The following SASH1 variants were observed in gnomAD, a reference collection of about 807,000 sequenced individuals.
The protein encoded by SASH1 is SAM and SH3 domain containing 1.
Under a neutral mutation model 125.2 loss-of-function variants are expected in SASH1, and 44 were observed. The ratio of observed to expected loss-of-function variants is 0.35; its 90% CI spans 0.28 to 0.45. The LOEUF (loss-of-function observed/expected upper bound fraction) is 0.45, where lower values mean the gene tolerates loss of function less well. SASH1 is among the 20% of genes least tolerant of loss of function. The probability of loss-of-function intolerance (pLI) is 1.00; values close to 1 mark genes in which losing one functional copy is unlikely to be tolerated. For synonymous variants in SASH1, 639 were observed against 649.1 expected (o/e 0.98, Z 0.24); for missense variants, 1,426 against 1,614.5 (o/e 0.88, Z 2.00).
In SASH1 at chr6:148,305,623, CAAAAAAAAA is replaced by C. The variant is rs59521298; in HGVS notation, n.74+33259_74+33267del. Reference sequence around the variant, plus strand: ...TGGGCGACAGAGCGAGACTCTGACTCAAAAAAAAAAAAAAAAAAAAAGAAAGAAAGAAAG... The same window carrying C: ...TGGGCGACAGAGCGAGACTCTGACTCAAAAAAAAAAAAGAAAGAAAGAAAG... On this transcript the variant is annotated intron_variant and non_coding_transcript_variant, in intron 1 of 3. Coordinates refer to the SASH1 transcript ENST00000367469. Among the ~76,000 whole-genome samples the C allele has an allele frequency of 3.8e-5, 4 of 104,382 alleles. No homozygotes were observed. In the Admixed American group the frequency reaches 4.3e-4, roughly 11 times the overall value. 68.5% of individuals were successfully genotyped at this position (104,382 alleles called of 152,430 possible). A position where few individuals can be genotyped will look rare whatever the true frequency, so the allele number is the denominator to read the frequency against.
chr6:148,374,704 T>G lies in SASH1; in HGVS notation c.157-15430T>G, dbSNP rs959770350. Among the ~76,000 whole-genome samples, 174 of 125,724 alleles carry G rather than the reference T, an allele frequency of 1.4e-3. 1 individual carries two copies. Among genetic ancestry groups the G allele is most frequent in the East Asian group, 8.4e-3 (35 of 4,152 alleles). The allele number at this position is 125,724 out of a possible 152,430, so 82.5% of individuals were successfully genotyped here. A position where few individuals can be genotyped will look rare whatever the true frequency, so the allele number is the denominator to read the frequency against. On this transcript the variant is annotated intron_variant, in intron 1 of 19. Transcript: ENST00000367467. ...TATTTGAGGTTTACAGCATTTTTTTTGGGGGGGGGGGAGATGGAGTCTCAC... is the reference window on the plus strand; with the variant it reads ...TATTTGAGGTTTACAGCATTTTTTTGGGGGGGGGGGGAGATGGAGTCTCAC...
At chr6:148,277,895 T>G (rs1373354306) in intron 1 of SASH1, among the ~76,000 whole-genome samples, 3 of 152,010 alleles carry the variant, frequency 2.0e-5, no homozygotes, top group African/African-American at 7.2e-5. Flanking sequence ...TTTTGTATTT[T>G]CAGTAGAGAC....
intron 17 of SASH1, 25 bp downstream of exon 17, chr6:148,540,581 A>T (rs1174001116): frequency 1.3e-6 from 2 of 1,554,170 alleles, no homozygotes; most frequent in East Asian, 4.5e-5. Flanking sequence ...AGTCGCTGGG[A>T]ACCTGCTTTG....
the SASH1 span, among the ~76,000 whole-genome samples, chr6:148,252,595 C>T: frequency 6.6e-6 from 1 of 152,170 alleles, no homozygotes; most frequent in African/African-American, 2.4e-5. Context: ...TGTCCTGCCT[C>T]AGCCTCCCAA....
At chr6:148,271,111 T>C (rs1190443560), upstream of SASH1, among the ~76,000 whole-genome samples, 1 of 152,080 alleles carries the variant, frequency 6.6e-6, no homozygotes, top group Admixed American at 6.6e-5. Context: ...GGTTTCACCA[T>C]GTTGGTCAGG....
intron 1 of SASH1, among the ~76,000 whole-genome samples, chr6:148,326,382 T>A (rs1261883212): frequency 7.6e-4 from 38 of 49,710 alleles, no homozygotes; most frequent in South Asian, 2.0e-3. Flanking sequence ...ATACATTCTT[T>A]TCTTTTCTTT....
At chr6:148,194,020 C>T in the SASH1 span, among the ~76,000 whole-genome samples, 4 of 152,120 alleles carry the variant, frequency 2.6e-5, no homozygotes, top group Non-Finnish European at 5.9e-5. Context: ...AAGATTTTCT[C>T]TAAGGTGTGT....
intron 1 of SASH1, among the ~76,000 whole-genome samples, chr6:148,310,250 A>G (rs1780263351): frequency 6.6e-6 from 1 of 152,162 alleles, no homozygotes; most frequent in Non-Finnish European, 1.5e-5. Flanking sequence ...TGAACCCAGG[A>G]GACGGAGGTT....
chr6:148,214,253 G>A, the SASH1 span, among the ~76,000 whole-genome samples: 5 of 152,118 alleles, frequency 3.3e-5, no homozygotes, highest in Admixed American at 6.6e-5. Flanking sequence ...GCATGTTGAC[G>A]TGAAGTTAAA....
chr6:148,487,857 A>T, intron 8 of SASH1, 142 bp downstream of exon 8: 6 of 516,754 alleles, frequency 1.2e-5, no homozygotes, highest in East Asian at 3.5e-5. Context: ...TAGATTGCTT[A>T]TTTTCTCTAC....
chr6:148,321,980 G>A (rs1444214691), intron 1 of SASH1, among the ~76,000 whole-genome samples: 2 of 152,088 alleles, frequency 1.3e-5, no homozygotes, highest in African/African-American at 2.4e-5. Context: ...TAAAATATAT[G>A]TATAAATGAT....
chr6:148,270,437 G>A (rs188922392), upstream of SASH1, among the ~76,000 whole-genome samples: 193 of 152,090 alleles, frequency 1.3e-3, no homozygotes, highest in Admixed American at 1.6e-3. Context: ...TACTGATACC[G>A]ATGAGCAGAA....
At chr6:148,369,982 AAAAAG>A (rs1782647808) in intron 1 of SASH1, among the ~76,000 whole-genome samples, 1 of 150,808 alleles carries the variant, frequency 6.6e-6, no homozygotes, top group East Asian at 1.9e-4. Flanking sequence ...AAAAAAAAAA[AAAAAG>A]GAAAGAAAAA....
chr6:148,260,606 T>TAA, the SASH1 span, among the ~76,000 whole-genome samples: 22 of 131,146 alleles, frequency 1.7e-4, no homozygotes, highest in African/African-American at 5.7e-4. Flanking sequence ...ACCCTGTCTT[T>TAA]AAAAAAAAAA....
chr6:148,546,093 G>A lies in SASH1; in HGVS notation c.3427G>A (p.Ala1143Thr), dbSNP rs145414598. 2.1e-5 allele frequency: 34 copies of A among 1,614,062 alleles called. No homozygotes were observed. The highest frequency in any genetic ancestry group is 1.3e-4 in the East Asian group (6 of 44,898). The change falls in exon 19 of 20, where the codon GCC (alanine) becomes ACC (threonine). Residue 1143 changes from alanine (A) to threonine (T), a missense_variant. Around this residue, in one of 3 missense-constraint regions of SASH1, gnomAD observed 634 missense variants for 694.4 expected, o/e 0.91. Coordinates refer to ENST00000367467, the MANE Select transcript of SASH1 (RefSeq NM_015278.5). Reference protein sequence around the residue: ...DLDQPERDVAANMDQIRVKQL... With the variant: ...DLDQPERDVATNMDQIRVKQL... ...GGATCAGCCCGAGCGGGACGTCGCC[G>A]CCAACATGGACCAGATCCGGGTGAA...
At chr6:148,511,638 A>G (rs1360492500) in intron 8 of SASH1, among the ~76,000 whole-genome samples, 1 of 152,224 alleles carries the variant, frequency 6.6e-6, no homozygotes, top group African/African-American at 2.4e-5. Flanking sequence ...AAACAATTAA[A>G]TAAGTACCTG....
At position 148,305,609 on chromosome 6, in the gene SASH1, G is replaced by A. The variant is rs1780104463; in HGVS notation, n.74+33232G>A. Among the ~76,000 whole-genome samples the A allele has an allele frequency of 5.2e-5, 7 of 134,320 alleles. No homozygotes were observed. The Admixed American group carries it at 6.0e-4, about 12-fold the overall frequency. The allele number at this position is 134,320 out of a possible 152,430, so 88.1% of individuals were successfully genotyped here. A position where few individuals can be genotyped will look rare whatever the true frequency, so the allele number is the denominator to read the frequency against. On this transcript the variant is annotated intron_variant and non_coding_transcript_variant, in intron 1 of 3. Coordinates refer to the SASH1 transcript ENST00000367469. ...ATTGCACTCCAGCCTGGGCGACAGA[G>A]CGAGACTCTGACTCAAAAAAAAAAA...
intron 1 of SASH1, among the ~76,000 whole-genome samples, chr6:148,318,337 T>G (rs147299169): frequency 6.6e-6 from 1 of 152,348 alleles, no homozygotes; most frequent in African/African-American, 2.4e-5. Context: ...ATTAACATTA[T>G]GCTTATCATT....
intron 2 of SASH1, among the ~76,000 whole-genome samples, chr6:148,433,480 C>T (rs1776150735): frequency 6.8e-6 from 1 of 146,996 alleles, no homozygotes; most frequent in African/African-American, 2.5e-5. Flanking sequence ...GATCTCTGCT[C>T]ACTGCAACCC....
Sources: gnomAD v4.1 joint callset for allele counts (sites outside exome capture counted in the v4.1 genomes callset) on GRCh38, gnomAD v4.1.1 for gene constraint, gnomAD v4.1.1 regional missense constraint, MANE v1.5 for transcripts, NCBI Gene and HGNC (gene_info 2026-07-23, HGNC 2026-07-21) for gene names.